Variants in SIRPB2 observed in about 807,000 individuals in gnomAD.
SIRPB2 encodes signal regulatory protein beta 2, also known as signal-regulatory protein beta-2.
A neutral mutation model predicts 27.1 loss-of-function variants in SIRPB2; 18 were observed. The observed-to-expected ratio is 0.66, with a 90% CI of 0.46 to 0.98. The LOEUF (loss-of-function observed/expected upper bound fraction) is 0.98, where lower values mean the gene tolerates loss of function less well. Ranked by LOEUF, SIRPB2 falls within the 50% of genes least tolerant of loss-of-function variation. The pLI is 0.00. For synonymous variants in SIRPB2, 150 were observed against 164.6 expected, an observed-to-expected ratio of 0.91 and a Z score of 0.68; for missense variants, 420 against 417.4, an observed-to-expected ratio of 1.01 and a Z score of -0.06.
In SIRPB2 at chr20:1,475,905, C is replaced by A; in HGVS notation, c.*262G>T. On this transcript the variant is annotated 3_prime_UTR_variant, in exon 5 of 5. Coordinates refer to ENST00000359801, the MANE Select transcript of SIRPB2 (RefSeq NM_001122962.2). ...GCACCAGAAAGGGCTGCAGCAGGGGCAAGGGTGTTGAGGAGAGACTGAGCC... is the reference window on the plus strand; with the variant it reads ...GCACCAGAAAGGGCTGCAGCAGGGGAAAGGGTGTTGAGGAGAGACTGAGCC... 2.5e-6 allele frequency: 1 copy of A among 407,068 alleles called. No homozygotes were observed. The highest frequency in any genetic ancestry group is 3.0e-5 in the South Asian group (1 of 33,728). The allele number at this position is 407,068 out of a possible 1,614,324, so 25.2% of individuals were successfully genotyped here. A position where few individuals can be genotyped will look rare whatever the true frequency, so the allele number is the denominator to read the frequency against.
At chr20:1,476,506 GC>G in intron 4 of SIRPB2, 170 bp from the exon 5 acceptor site, 1 of 402,290 alleles carries the variant, frequency 2.5e-6, no homozygotes, top group Non-Finnish European at 3.4e-6. Flanking sequence ...TCTGCCCTGG[GC>G]CCAGAGAACG....
intron 4 of SIRPB2, chr20:1,476,964 G>T: frequency 2.5e-6 from 3 of 1,209,572 alleles, no homozygotes; most frequent in Admixed American, 3.7e-5. Context: ...CTCAAGGGGC[G>T]AGAACCTGCC....
At position 1,474,879 on chromosome 20, in the gene SIRPB2, T is replaced by C. The variant is rs2090594648; in HGVS notation, c.*1288A>G. 6.6e-6 allele frequency: 1 copy of C among 152,230 alleles called. No homozygotes were observed. The highest frequency in any genetic ancestry group is 2.4e-5 in the African/African-American group (1 of 41,446). The allele number at this position is 152,230 out of a possible 1,614,324, so 9.4% of individuals were successfully genotyped here. A position where few individuals can be genotyped will look rare whatever the true frequency, so the allele number is the denominator to read the frequency against. Reference sequence around the variant, plus strand: ...ATAAGCCACCGTGCCTGGTCTTGAATTGGTTCTTACACAATGCAGAGAAGT... The same window carrying C: ...ATAAGCCACCGTGCCTGGTCTTGAACTGGTTCTTACACAATGCAGAGAAGT... On this transcript the variant is annotated 3_prime_UTR_variant, in exon 5 of 5. Coordinates refer to ENST00000359801, the MANE Select transcript of SIRPB2 (RefSeq NM_001122962.2).
rs8118710 is a variant in SIRPB2, at chr20:1,475,880, G to A, written c.*287C>T. 0.12 allele frequency: 38,935 copies of A among 337,208 alleles called. 2,605 individuals carry two copies. The highest frequency in any genetic ancestry group is 0.2 in the Admixed American group (3,952 of 19,758). The allele number at this position is 337,208 out of a possible 1,614,324, so 20.9% of individuals were successfully genotyped here. On this transcript the variant is annotated 3_prime_UTR_variant, in exon 5 of 5. Transcript: ENST00000359801. ...AGCGAGGTGGGGAAAGGGGCAGGGC[G>A]CACCAGAAAGGGCTGCAGCAGGGGC...
chr20:1,488,151 A>G (rs940626811), intron 1 of SIRPB2, among the ~76,000 whole-genome samples: 9 of 152,206 alleles, frequency 5.9e-5, no homozygotes, highest in Non-Finnish European at 1.2e-4. Flanking sequence ...GAATAAAAAG[A>G]CAAGTCACAG....
chr20:1,478,500 G>A lies in SIRPB2; in HGVS notation c.559C>T (p.Pro187Ser), dbSNP rs1047820428. 2.5e-6 allele frequency: 4 copies of A among 1,614,120 alleles called. No homozygotes were observed. The highest frequency in any genetic ancestry group is 1.3e-5 in the African/African-American group (1 of 75,048). Residue 187 changes from proline (P) to serine (S), a missense_variant, in exon 3 of 5, where the codon CCC becomes TCC. Physicochemically the swap from Pro to Ser is moderately conservative, Grantham distance 74. Transcript: ENST00000359801. ...FLNCTVLGDGPPGPIRWFQGA... is the reference protein window; with the variant it reads ...FLNCTVLGDGSPGPIRWFQGA... ...TGGAACCACCTGATGGGTCCAGGGGGACCGTCTCCAAGCACTGTGCAGTTC... is the reference window on the plus strand; with the variant it reads ...TGGAACCACCTGATGGGTCCAGGGGAACCGTCTCCAAGCACTGTGCAGTTC...
downstream of SIRPB2, chr20:1,473,842 C>T (rs374326269): frequency 3.6e-4 from 164 of 456,232 alleles, 4 homozygotes; most frequent in South Asian, 2.4e-3. Context: ...TTCAGCTTCC[C>T]GTGGCCGCTG....
intron 4 of SIRPB2, chr20:1,477,005 G>T: frequency 7.9e-7 from 1 of 1,268,322 alleles, no homozygotes. Context: ...CCATCCAGGA[G>T]GCTTAGCTAC....
intron 1 of SIRPB2, among the ~76,000 whole-genome samples, chr20:1,487,087 AG>A (rs1195324584): frequency 6.6e-6 from 1 of 152,340 alleles, no homozygotes; most frequent in African/African-American, 2.4e-5. Flanking sequence ...TTTCTTAAAA[AG>A]GCTACTAGAC....
chr20:1,473,756 A>G, downstream of SIRPB2: 1 of 448,756 alleles, frequency 2.2e-6, no homozygotes, highest in Non-Finnish European at 4.5e-6. Flanking sequence ...AGGGCCCTAC[A>G]GGGCTAGGGG....
chr20:1,481,471 C>T (rs916526843), intron 1 of SIRPB2, among the ~76,000 whole-genome samples: 7 of 152,268 alleles, frequency 4.6e-5, no homozygotes, highest in African/African-American at 1.2e-4. Context: ...CAGCTTTGTA[C>T]CCCGAGTTTC....
chr20:1,477,278 CA>C, intron 4 of SIRPB2, 59 bp downstream of exon 4: 1 of 1,614,184 alleles, frequency 6.2e-7, no homozygotes, highest in African/African-American at 1.3e-5. Flanking sequence ...ATGACCAAGC[CA>C]TTCATGGCCC....
chr20:1,479,815 G>A lies in SIRPB2; in HGVS notation c.336C>T (p.Ile112=). 2 of 1,614,232 alleles carry A rather than the reference G, an allele frequency of 1.2e-6. No individual in the cohort carries two copies. The highest frequency in any genetic ancestry group is 1.7e-6 in the Non-Finnish European group (2 of 1,180,050). The part of the protein sequence containing the change: ...TSEPLNCDYS[I]YIHNVTREHT... ...GCTCCCTGGTGACATTGTGGATATAGATGGAATAATCACAATTCAGTGGTT... is the reference window on the plus strand; with the variant it reads ...GCTCCCTGGTGACATTGTGGATATAAATGGAATAATCACAATTCAGTGGTT... Residue 112 remains isoleucine (I), a synonymous_variant, in exon 2 of 5, where the codon ATC becomes ATT. Coordinates refer to ENST00000359801, the MANE Select transcript of SIRPB2 (RefSeq NM_001122962.2).
At chr20:1,488,388 G>A (rs2090747043) in intron 1 of SIRPB2, among the ~76,000 whole-genome samples, 1 of 152,156 alleles carries the variant, frequency 6.6e-6, no homozygotes, top group Non-Finnish European at 1.5e-5. Flanking sequence ...GGGAGGCTGA[G>A]GCAGGCGGAT....
chr20:1,476,889 AC>A, intron 4 of SIRPB2: 1 of 1,158,484 alleles, frequency 8.6e-7, no homozygotes, highest in Non-Finnish European at 1.1e-6. Flanking sequence ...TGCACACACA[AC>A]CCCATGAAGT....
intron 1 of SIRPB2, among the ~76,000 whole-genome samples, chr20:1,481,372 C>A (rs1256100113): frequency 6.6e-6 from 1 of 152,126 alleles, no homozygotes; most frequent in Non-Finnish European, 1.5e-5. Flanking sequence ...GGTAAAGAAA[C>A]ATGAGGTGAA....
chr20:1,482,113 T>C (rs2090677021), intron 1 of SIRPB2, among the ~76,000 whole-genome samples: 1 of 152,198 alleles, frequency 6.6e-6, no homozygotes, highest in South Asian at 2.1e-4. Flanking sequence ...CTAACACATG[T>C]ATATGTAGAA....
chr20:1,478,217 T>C, intron 3 of SIRPB2, 49 bp downstream of exon 3: 2 of 1,565,824 alleles, frequency 1.3e-6, no homozygotes. Context: ...AAAATTCCTG[T>C]TGAATACCTG....
downstream of SIRPB2, chr20:1,470,963 T>C (rs541870986): frequency 6.6e-6 from 1 of 152,360 alleles, no homozygotes; most frequent in Admixed American, 6.5e-5. Context: ...AAATAAACAC[T>C]GCTACTGCTG....
Sources: gnomAD v4.1 joint callset for allele counts (sites outside exome capture counted in the v4.1 genomes callset) on GRCh38, gnomAD v4.1.1 for gene constraint, MANE v1.5 for transcripts, NCBI Gene and HGNC (gene_info 2026-07-23, HGNC 2026-07-21) for gene names.